The following RAB3GAP2 variants were observed in gnomAD, a reference collection of about 807,000 sequenced individuals.
RAB3GAP2 encodes the protein rab3 GTPase-activating protein non-catalytic subunit.
Under a neutral mutation model 185.3 loss-of-function variants are expected in RAB3GAP2, and 87 were observed. That is an observed-to-expected ratio of 0.47 (90% CI 0.39 to 0.56). The LOEUF is 0.56. Among genes scored for constraint, RAB3GAP2 ranks in the 20% least tolerant of loss-of-function variants. The pLI is 0.00. For missense variants in RAB3GAP2, 1,492 were observed against 1,638.2 expected, an observed-to-expected ratio of 0.91 and a Z score of 1.54; for synonymous variants, 554 against 576.1, an observed-to-expected ratio of 0.96 and a Z score of 0.55.
intron 21 of RAB3GAP2, among the ~76,000 whole-genome samples, chr1:220,181,144 T>A (rs1045179223): frequency 6.6e-6 from 1 of 152,212 alleles, no homozygotes; most frequent in African/African-American, 2.4e-5. Context: ...TTTTTGCTTT[T>A]TAGAGACAGG....
At chr1:220,258,614 A>T (rs1571933834) in intron 1 of RAB3GAP2, among the ~76,000 whole-genome samples, 1 of 152,216 alleles carries the variant, frequency 6.6e-6, no homozygotes, top group Non-Finnish European at 1.5e-5. Flanking sequence ...TGTATGACAA[A>T]CCCACAGCCA....
At chr1:220,244,361 T>G (rs769931144) in intron 1 of RAB3GAP2, among the ~76,000 whole-genome samples, 3 of 151,996 alleles carry the variant, frequency 2.0e-5, no homozygotes, top group South Asian at 4.2e-4. Flanking sequence ...AGGCAGAAGA[T>G]CTCTACAAGG....
chr1:220,161,732 T>C (rs1427565259), intron 28 of RAB3GAP2, among the ~76,000 whole-genome samples: 1 of 152,156 alleles, frequency 6.6e-6, no homozygotes, highest in East Asian at 1.9e-4. Flanking sequence ...ATAAAAATTA[T>C]AGAAATCTAA....
intron 21 of RAB3GAP2, among the ~76,000 whole-genome samples, chr1:220,175,177 A>C (rs762665504): frequency 3.3e-5 from 5 of 152,146 alleles, no homozygotes; most frequent in Non-Finnish European, 7.4e-5. Flanking sequence ...TTTTACATAC[A>C]AAATGTCTGA....
intron 1 of RAB3GAP2, chr1:220,267,299 A>G: frequency 1.1e-6 from 1 of 950,714 alleles, no homozygotes; most frequent in Non-Finnish European, 1.7e-6. Flanking sequence ...AGAATTAGGT[A>G]GACTCTGGTG....
chr1:220,189,367 C>T (rs920826940), intron 17 of RAB3GAP2, among the ~76,000 whole-genome samples: 1 of 151,864 alleles, frequency 6.6e-6, no homozygotes, highest in Non-Finnish European at 1.5e-5. Flanking sequence ...CAGGCGCCCG[C>T]CAATACTGAC....
chr1:220,170,239 G>A (rs1658148417), intron 24 of RAB3GAP2, among the ~76,000 whole-genome samples: 1 of 152,122 alleles, frequency 6.6e-6, no homozygotes, highest in Non-Finnish European at 1.5e-5. Context: ...GACACAGGGA[G>A]GGGAACATCA....
chr1:220,245,503 G>A (rs1381769746), intron 1 of RAB3GAP2, among the ~76,000 whole-genome samples: 2 of 152,212 alleles, frequency 1.3e-5, no homozygotes. Flanking sequence ...CCCACACCTG[G>A]CTCGGAGGGT....
At chr1:220,195,915 C>G (rs1658714564) in intron 10 of RAB3GAP2, among the ~76,000 whole-genome samples, 1 of 152,134 alleles carries the variant, frequency 6.6e-6, no homozygotes. Context: ...CTTGTTCTGT[C>G]TTTACAACTC....
chr1:220,232,853 T>C lies in RAB3GAP2; in HGVS notation c.126A>G (p.Thr42=). The part of the protein sequence containing the change: ...GALRRDPSKS[T]DWEDDGWGAW... ...CTCCCCAACCATCATCTTCCCAGTC[T>C]GTTGATTTACCTGTTTTTAAAAAGA... The change falls in exon 2 of 35, where the codon ACA becomes ACG. Residue 42 remains threonine, a synonymous_variant. Coordinates refer to ENST00000358951, the MANE Select transcript of RAB3GAP2 (RefSeq NM_012414.4). 1 of 1,613,800 alleles carries C rather than the reference T, an allele frequency of 6.2e-7. No homozygotes were observed. The highest frequency in any genetic ancestry group is 1.1e-5 in the South Asian group (1 of 91,074).
At chr1:220,230,197 T>G (rs1659472997) in intron 2 of RAB3GAP2, among the ~76,000 whole-genome samples, 1 of 152,094 alleles carries the variant, frequency 6.6e-6, no homozygotes, top group Admixed American at 6.5e-5. Flanking sequence ...AAACAGTATG[T>G]CCCCCTCCCC....
intron 1 of RAB3GAP2, among the ~76,000 whole-genome samples, chr1:220,247,313 T>C (rs969726830): frequency 4.6e-5 from 7 of 152,212 alleles, no homozygotes; most frequent in African/African-American, 1.4e-4. Flanking sequence ...CACACGTTTA[T>C]AGCAGCACAA....
intron 26 of RAB3GAP2, among the ~76,000 whole-genome samples, chr1:220,166,846 C>T (rs985362509): frequency 2.0e-5 from 3 of 152,146 alleles, no homozygotes; most frequent in Non-Finnish European, 4.4e-5. Flanking sequence ...GACCTTCACT[C>T]TTGACTTTTA....
At chr1:220,227,342 T>G (rs1659419836) in intron 2 of RAB3GAP2, among the ~76,000 whole-genome samples, 1 of 152,096 alleles carries the variant, frequency 6.6e-6, no homozygotes. Context: ...AGAATCAACC[T>G]AGAGTCAGAA....
At chr1:220,235,581 G>T (rs1659575711) in intron 1 of RAB3GAP2, among the ~76,000 whole-genome samples, 1 of 152,090 alleles carries the variant, frequency 6.6e-6, no homozygotes, top group South Asian at 2.1e-4. Context: ...TTATGTTCTG[G>T]GAACTGTGCT....
intron 1 of RAB3GAP2, among the ~76,000 whole-genome samples, chr1:220,256,295 C>A (rs559407477): frequency 6.6e-6 from 1 of 152,152 alleles, no homozygotes; most frequent in Non-Finnish European, 1.5e-5. Flanking sequence ...CCAACAACTA[C>A]GAAAACACAG....
intron 9 of RAB3GAP2, among the ~76,000 whole-genome samples, chr1:220,198,874 G>A (rs1048347014): frequency 6.6e-5 from 10 of 152,138 alleles, no homozygotes; most frequent in African/African-American, 2.2e-4. Flanking sequence ...GCCTAGTAGA[G>A]TGACTAATGA....
At position 220,267,502 on chromosome 1, in the gene RAB3GAP2, G is replaced by A. The variant is rs567153400; in HGVS notation, c.115+4721C>T. The stretch of plus-strand genomic sequence containing the variant: ...AACATTACCAAACTTTCCTTTACCC[G>A]GAGGGCGACCAATTTCAAGGTCTTC... On this transcript the variant is annotated intron_variant, in intron 1 of 34. Transcript: ENST00000358951. 194 of 1,409,360 alleles carry A rather than the reference G, an allele frequency of 1.4e-4. 1 individual carries two copies. The African/African-American group carries it at 1.9e-3, about 14-fold the overall frequency. The allele number at this position is 1,409,360 out of a possible 1,614,324, so 87.3% of individuals were successfully genotyped here. A position where few individuals can be genotyped will look rare whatever the true frequency, so the allele number is the denominator to read the frequency against.
At chr1:220,211,435 T>C (rs1258434449) in intron 4 of RAB3GAP2, 2 of 458,594 alleles carry the variant, frequency 4.4e-6, no homozygotes, top group African/African-American at 2.0e-5. Context: ...GTTGAGGAAC[T>C]GCCAGTCACG....
Sources: gnomAD v4.1 joint callset for allele counts (sites outside exome capture counted in the v4.1 genomes callset) on GRCh38, gnomAD v4.1.1 for gene constraint, MANE v1.5 for transcripts, NCBI Gene and HGNC (gene_info 2026-07-23, HGNC 2026-07-21) for gene names.